ZNHIT6: variants seen among roughly 807,000 people sequenced by gnomAD.
The protein encoded by ZNHIT6 is zinc finger HIT-type containing 6, also known as box C/D snoRNA protein 1.
A neutral mutation model predicts 57.2 loss-of-function variants in ZNHIT6; 45 were observed. The ratio of observed to expected loss-of-function variants is 0.79; its 90% CI spans 0.62 to 1.01. The LOEUF (loss-of-function observed/expected upper bound fraction) is 1.01. Among genes scored for constraint, ZNHIT6 ranks in the 50% least tolerant of loss-of-function variants. The probability of loss-of-function intolerance (pLI) is 0.00; values close to 1 mark genes in which losing one functional copy is unlikely to be tolerated. For synonymous variants in ZNHIT6, 188 were observed against 190.0 expected, an observed-to-expected ratio of 0.99 and a Z score of 0.09; for missense variants, 528 against 567.3, an observed-to-expected ratio of 0.93 and a Z score of 0.70.
At chr1:85,666,965 C>T (rs1224712475) in intron 8 of ZNHIT6, among the ~76,000 whole-genome samples, 2 of 152,096 alleles carry the variant, frequency 1.3e-5, no homozygotes, top group East Asian at 3.9e-4. Context: ...AAAGTTAATG[C>T]CATTCTGAAC....
intron 9 of ZNHIT6, among the ~76,000 whole-genome samples, chr1:85,657,422 T>C (rs1286173723): frequency 6.6e-6 from 1 of 151,680 alleles, no homozygotes; most frequent in East Asian, 1.9e-4. Flanking sequence ...AGGCTTTTTT[T>C]TTTTTTTTTT....
At chr1:85,702,956 T>A (rs1003325100) in intron 4 of ZNHIT6, among the ~76,000 whole-genome samples, 1 of 152,202 alleles carries the variant, frequency 6.6e-6, no homozygotes, top group Non-Finnish European at 1.5e-5. Flanking sequence ...AAACGCAAGT[T>A]TTTTGTTAAG....
chr1:85,707,524 C>T, intron 1 of ZNHIT6, 105 bp downstream of exon 1: 1 of 1,334,408 alleles, frequency 7.5e-7, no homozygotes, highest in Non-Finnish European at 1.0e-6. Context: ...CAAACTTGTG[C>T]TCATTTTTCA....
At chr1:85,675,238 C>T (rs1013390873) in intron 8 of ZNHIT6, among the ~76,000 whole-genome samples, 14 of 152,050 alleles carry the variant, frequency 9.2e-5, no homozygotes, top group African/African-American at 3.4e-4. Context: ...TAAATCTAAA[C>T]AAAAAATACG....
intron 8 of ZNHIT6, among the ~76,000 whole-genome samples, chr1:85,661,541 T>A (rs183957507): frequency 1.3e-5 from 2 of 152,248 alleles, no homozygotes; most frequent in African/African-American, 4.8e-5. Context: ...ACTGCCTTTA[T>A]GTGCATTTTG....
At chr1:85,674,372 C>T (rs371236066) in intron 8 of ZNHIT6, among the ~76,000 whole-genome samples, 3 of 151,932 alleles carry the variant, frequency 2.0e-5, no homozygotes, top group African/African-American at 7.2e-5. Flanking sequence ...TGAGCTCAAG[C>T]AATCTGCCTG....
intron 5 of ZNHIT6, among the ~76,000 whole-genome samples, chr1:85,693,226 C>G (rs1164173330): frequency 6.6e-6 from 1 of 151,850 alleles, no homozygotes. Context: ...TTAGTCCACA[C>G]AAAAGAGTCC....
At position 85,653,063 on chromosome 1, in the gene ZNHIT6, C is replaced by G. The variant is rs1660957356; in HGVS notation, c.*995G>C. 1 of 152,020 alleles carries G rather than the reference C, an allele frequency of 6.6e-6. No individual in the cohort carries two copies. The allele number at this position is 152,020 out of a possible 1,614,324, so 9.4% of individuals were successfully genotyped here. A position where few individuals can be genotyped will look rare whatever the true frequency, so the allele number is the denominator to read the frequency against. ...AAACACAGTATAAAACTGGTCATCACAACACCCTTCTGCAGTAATGATGAG... is the reference window on the plus strand; with the variant it reads ...AAACACAGTATAAAACTGGTCATCAGAACACCCTTCTGCAGTAATGATGAG... On this transcript the variant is annotated 3_prime_UTR_variant, in exon 10 of 10. Coordinates refer to ENST00000370574, the MANE Select transcript of ZNHIT6 (RefSeq NM_017953.4).
intron 5 of ZNHIT6, among the ~76,000 whole-genome samples, chr1:85,700,927 C>T (rs1411918855): frequency 2.0e-5 from 3 of 152,132 alleles, no homozygotes; most frequent in Non-Finnish European, 4.4e-5. Flanking sequence ...CCACTTCAGC[C>T]TCCTGAGTAG....
Position 85,706,086 on chromosome 1 carries a change from T to G in ZNHIT6, c.907A>C (p.Asn303His), listed in dbSNP as rs1662675382. The change falls in exon 4 of 10, where the codon AAT becomes CAT. Residue 303 changes from asparagine to histidine, a missense_variant. By Grantham distance (68) the Asn-to-His change is moderately conservative. Coordinates refer to ENST00000370574, the MANE Select transcript of ZNHIT6 (RefSeq NM_017953.4). ...TTAGGAAAAAATCTTACATATTTAT[T>G]GCTTATTGGTCTCTTCAAAAAAGCA... Reference protein sequence around the residue: ...RDAFLKRPISNKYMYFMKNRA... With the variant: ...RDAFLKRPISHKYMYFMKNRA... 1 of 1,609,392 alleles carries G rather than the reference T, an allele frequency of 6.2e-7. No homozygotes were observed. Among genetic ancestry groups the G allele is most frequent in the Non-Finnish European group, 8.5e-7 (1 of 1,178,436 alleles).
intron 8 of ZNHIT6, among the ~76,000 whole-genome samples, chr1:85,662,042 G>A (rs994208805): frequency 6.6e-6 from 1 of 151,646 alleles, no homozygotes; most frequent in African/African-American, 2.4e-5. Context: ...AATAAAAGTT[G>A]TCATGATAAT....
intron 6 of ZNHIT6, among the ~76,000 whole-genome samples, chr1:85,679,295 C>T (rs1557852711): frequency 2.0e-5 from 3 of 152,096 alleles, no homozygotes; most frequent in Admixed American, 6.5e-5. Flanking sequence ...GCTGTATAAA[C>T]AAAATTAAGA....
At chr1:85,654,406 C>G (rs1382244977) in intron 9 of ZNHIT6, among the ~76,000 whole-genome samples, 3 of 152,174 alleles carry the variant, frequency 2.0e-5, no homozygotes, top group Non-Finnish European at 4.4e-5. Context: ...CACTATTATC[C>G]TGGCCAGCCA....
intron 8 of ZNHIT6, among the ~76,000 whole-genome samples, chr1:85,668,430 C>A (rs1312438380): frequency 2.0e-5 from 3 of 152,120 alleles, no homozygotes; most frequent in Non-Finnish European, 4.4e-5. Flanking sequence ...AGAGAGCAAG[C>A]TCTTATTCTT....
intron 5 of ZNHIT6, among the ~76,000 whole-genome samples, chr1:85,681,799 A>G (rs1325712054): frequency 6.6e-6 from 1 of 152,234 alleles, no homozygotes; most frequent in Admixed American, 6.5e-5. Context: ...GTTGAAAAGT[A>G]CCCTTTACTA....
At chr1:85,687,873 T>G in intron 5 of ZNHIT6, among the ~76,000 whole-genome samples, 1 of 152,156 alleles carries the variant, frequency 6.6e-6, no homozygotes, top group East Asian at 1.9e-4. Flanking sequence ...TGAAACCCTG[T>G]CTCTATCAAA....
chr1:85,658,088 G>A (rs1661112260), intron 8 of ZNHIT6, 117 bp from the exon 9 acceptor site: 1 of 632,858 alleles, frequency 1.6e-6, no homozygotes, highest in South Asian at 2.9e-5. Flanking sequence ...TGACAATTCA[G>A]TAGTTACTTC....
At chr1:85,671,621 T>G (rs1007936551) in intron 8 of ZNHIT6, among the ~76,000 whole-genome samples, 5 of 152,186 alleles carry the variant, frequency 3.3e-5, no homozygotes, top group Non-Finnish European at 5.9e-5. Flanking sequence ...TAGTTGAAAC[T>G]CAAAATACTT....
chr1:85,697,962 A>T (rs1156995796), intron 5 of ZNHIT6, among the ~76,000 whole-genome samples: 2 of 152,172 alleles, frequency 1.3e-5, no homozygotes, highest in East Asian at 3.8e-4. Flanking sequence ...CCCTACAAAG[A>T]GGTGAGGTAA....
Sources: allele counts gnomAD v4.1 joint callset (sites outside exome capture counted in the v4.1 genomes callset), GRCh38; gene constraint gnomAD v4.1.1; transcripts MANE v1.5; gene names NCBI Gene and HGNC (gene_info 2026-07-23, HGNC 2026-07-21).